The following KIF15 variants were observed in gnomAD, a reference collection of about 807,000 sequenced individuals.
KIF15 encodes the protein kinesin-like protein KIF15.
A neutral mutation model predicts 190.6 loss-of-function variants in KIF15; 140 were observed. The ratio of observed to expected loss-of-function variants is 0.73; its 90% CI spans 0.64 to 0.84. KIF15 has a LOEUF of 0.84. Ranked by LOEUF, KIF15 falls within the 40% of genes least tolerant of loss-of-function variation. KIF15 has a pLI of 0.00. For synonymous variants in KIF15, 528 were observed against 551.3 expected, an observed-to-expected ratio of 0.96 and a Z score of 0.59; for missense variants, 1,372 against 1,584.4, an observed-to-expected ratio of 0.87 and a Z score of 2.28.
At chr3:44,821,444 C>T (rs886514853) in intron 20 of KIF15, among the ~76,000 whole-genome samples, 14 of 148,432 alleles carry the variant, frequency 9.4e-5, no homozygotes, top group East Asian at 2.0e-4. Context: ...TCCTCCCAGA[C>T]GGGGTTGCGG....
chr3:44,788,245 G>A (rs934031747), intron 7 of KIF15, among the ~76,000 whole-genome samples: 1 of 152,144 alleles, frequency 6.6e-6, no homozygotes, highest in Non-Finnish European at 1.5e-5. Context: ...CCACCTTGCT[G>A]TCTTAAAAAA....
chr3:44,804,780 A>G (rs1395179965), intron 14 of KIF15, among the ~76,000 whole-genome samples: 1 of 152,176 alleles, frequency 6.6e-6, no homozygotes, highest in African/African-American at 2.4e-5. Flanking sequence ...CAGAGAACTT[A>G]GAAAATGTGT....
intron 25 of KIF15, 77 bp downstream of exon 25, chr3:44,830,152 TC>T: frequency 1.6e-6 from 1 of 624,780 alleles, no homozygotes; most frequent in Non-Finnish European, 2.6e-6. Flanking sequence ...TAACAGATGC[TC>T]CACCAGAAAA....
Position 44,782,719 on chromosome 3 carries a change from T to A in KIF15, c.361+1797T>A, listed in dbSNP as rs992592957. On this transcript the variant is annotated intron_variant, in intron 5 of 34. Coordinates refer to ENST00000326047, the MANE Select transcript of KIF15 (RefSeq NM_020242.3). ...ACCTCTCAGGAGGTGACCTTTGGAG[T>A]TATTAAGTGAAATGAGAGTGAACCA... Among the ~76,000 whole-genome samples the A allele has an allele frequency of 2.0e-5, 3 of 151,968 alleles. No homozygotes were observed. The South Asian group carries it at 6.2e-4, about 32-fold the overall frequency.
intron 26 of KIF15, among the ~76,000 whole-genome samples, chr3:44,834,897 C>T (rs1698234924): frequency 6.6e-6 from 1 of 151,630 alleles, no homozygotes; most frequent in African/African-American, 2.4e-5. Context: ...CGCGCCACTG[C>T]ACTCCAGCTA....
chr3:44,864,280 C>G, intron 6 of KIF15: 1 of 1,614,196 alleles, frequency 6.2e-7, no homozygotes, highest in African/African-American at 1.3e-5. Context: ...GCCGGGGCCT[C>G]AGTTTCTCCA....
At chr3:44,821,189 C>G (rs1214720911) in intron 20 of KIF15, among the ~76,000 whole-genome samples, 4 of 146,684 alleles carry the variant, frequency 2.7e-5, no homozygotes, top group Admixed American at 2.0e-4. Flanking sequence ...CTCCTCACTT[C>G]CCAGTAGGGG....
At chr3:44,795,831 A>G (rs538632912) in intron 8 of KIF15, among the ~76,000 whole-genome samples, 1 of 152,232 alleles carries the variant, frequency 6.6e-6, no homozygotes, top group South Asian at 2.1e-4. Flanking sequence ...GAGTCGCCTG[A>G]CCTACATTTG....
At chr3:44,855,434 G>GCA (rs570378811), downstream of KIF15, among the ~76,000 whole-genome samples, 56 of 152,276 alleles carry the variant, frequency 3.7e-4, no homozygotes, top group African/African-American at 1.3e-3. Context: ...ATATATATGT[G>GCA]CAGGTCACAG....
Position 44,775,313 on chromosome 3 carries a change from G to T in KIF15, c.122G>T (p.Gly41Val). 6.2e-7 allele frequency: 1 copy of T among 1,613,718 alleles called. No individual in the cohort carries two copies. The highest frequency in any genetic ancestry group is 8.5e-7 in the Non-Finnish European group (1 of 1,179,954). ...VRIRPPAERSGSADGEQNLCL... is the reference protein window; with the variant it reads ...VRIRPPAERSVSADGEQNLCL... Reference sequence around the variant, plus strand: ...ATTCGTCCTCCTGCAGAAAGATCTGGGTCAGCTGATGGAGAGCAGAACTTA... The same window carrying T: ...ATTCGTCCTCCTGCAGAAAGATCTGTGTCAGCTGATGGAGAGCAGAACTTA... Residue 41 changes from glycine (G) to valine (V), a missense_variant, in exon 3 of 35, where the codon GGG (glycine) becomes GTG (valine). By Grantham distance (109) the Gly-to-Val change is moderately radical. Transcript: ENST00000326047.
intron 1 of KIF15, among the ~76,000 whole-genome samples, chr3:44,771,291 G>C (rs1266816738): frequency 6.6e-6 from 1 of 151,986 alleles, no homozygotes; most frequent in Non-Finnish European, 1.5e-5. Context: ...TGATGGCCTG[G>C]GACTCCTCGG....
chr3:44,789,638 A>G (rs1324786625), intron 7 of KIF15, among the ~76,000 whole-genome samples: 1 of 94,240 alleles, frequency 1.1e-5, no homozygotes, highest in African/African-American at 4.2e-5. Flanking sequence ...ATTTTTGTCT[A>G]ATTTTATATA....
At chr3:44,813,282 G>C (rs541512447) in intron 19 of KIF15, 102 bp downstream of exon 19, 1 of 666,540 alleles carries the variant, frequency 1.5e-6, no homozygotes, top group Non-Finnish European at 2.4e-6. Context: ...TTGGATGGTT[G>C]CTTTGTTGTT....
At chr3:44,861,776 C>T (rs1699250295) in intron 6 of KIF15, 5 of 887,892 alleles carry the variant, frequency 5.6e-6, no homozygotes, top group East Asian at 3.2e-5. Flanking sequence ...ACCTGGCCCG[C>T]CCCCTCCGAG....
intron 26 of KIF15, among the ~76,000 whole-genome samples, chr3:44,835,946 C>T (rs1023663701): frequency 1.4e-4 from 21 of 152,214 alleles, no homozygotes; most frequent in Admixed American, 2.6e-4. Flanking sequence ...TGGTAATGCA[C>T]GCCTGTAGTC....
At chr3:44,856,364 T>A (rs1371216606), downstream of KIF15, among the ~76,000 whole-genome samples, 4 of 152,132 alleles carry the variant, frequency 2.6e-5, no homozygotes, top group Non-Finnish European at 5.9e-5. Flanking sequence ...GATGGAACAC[T>A]GAGAAGTGAT....
At position 44,786,544 on chromosome 3, in the gene KIF15, G is replaced by T; in HGVS notation, c.609G>T (p.Gln203His). 1 of 1,612,996 alleles carries T rather than the reference G, an allele frequency of 6.2e-7. No individual in the cohort carries two copies. The change falls in exon 7 of 35, where the codon CAG becomes CAT. Residue 203 changes from glutamine (Q) to histidine (H), a missense_variant. Physicochemically the swap from Gln to His is conservative, Grantham distance 24. Coordinates refer to ENST00000326047, the MANE Select transcript of KIF15 (RefSeq NM_020242.3). Reference sequence around the variant, plus strand: ...TCTTTGTTGTTGGTGCGGTGGAGCAGGTGGTAACCTCAGCTGCTGAAGCCT... The same window carrying T: ...TCTTTGTTGTTGGTGCGGTGGAGCATGTGGTAACCTCAGCTGCTGAAGCCT... ...KGVFVVGAVE[Q>H]VVTSAAEAYQ...
At chr3:44,864,274 G>C in intron 6 of KIF15, 8 of 1,614,160 alleles carry the variant, frequency 5.0e-6, no homozygotes, top group Non-Finnish European at 6.8e-6. Flanking sequence ...TCTTTAGCCG[G>C]GGCCTCAGTT....
chr3:44,826,523 C>A, intron 22 of KIF15, 63 bp downstream of exon 22: 1 of 1,159,666 alleles, frequency 8.6e-7, no homozygotes. Flanking sequence ...CATTCTTAAT[C>A]TTGTTTTTTT....
Sources: allele counts gnomAD v4.1 joint callset (sites outside exome capture counted in the v4.1 genomes callset), GRCh38; gene constraint gnomAD v4.1.1; transcripts MANE v1.5; gene names NCBI Gene and HGNC (gene_info 2026-07-23, HGNC 2026-07-21).